Variants in NELL2 observed in about 807,000 individuals in gnomAD.
NELL2 encodes the protein protein kinase C-binding protein NELL2.
Under a neutral mutation model 109.6 loss-of-function variants are expected in NELL2, and 41 were observed. The ratio of observed to expected loss-of-function variants is 0.37; its 90% confidence interval spans 0.29 to 0.49. The LOEUF is 0.49. Among genes scored for constraint, NELL2 ranks in the 20% least tolerant of loss-of-function variants. NELL2 has a pLI of 0.98. For synonymous variants in NELL2, 355 were observed against 344.7 expected, an observed-to-expected ratio of 1.03 and a Z score of -0.33; for missense variants, 900 against 1,008.3, an observed-to-expected ratio of 0.89 and a Z score of 1.45.
chr12:44,721,715 C>T (rs1309348459), intron 9 of NELL2, among the ~76,000 whole-genome samples: 3 of 151,908 alleles, frequency 2.0e-5, no homozygotes, highest in Non-Finnish European at 2.9e-5. Context: ...AACTGCAAAG[C>T]ATGATTCTTT....
intron 12 of NELL2, among the ~76,000 whole-genome samples, chr12:44,691,542 CTTG>C (rs1368819523): frequency 1.3e-5 from 2 of 152,132 alleles, no homozygotes; most frequent in Non-Finnish European, 2.9e-5. Flanking sequence ...TTGCACGTCT[CTTG>C]TTGTAAATCA....
chr12:44,734,439 T>C (rs1408106374), intron 9 of NELL2, among the ~76,000 whole-genome samples: 1 of 151,640 alleles, frequency 6.6e-6, no homozygotes, highest in Non-Finnish European at 1.5e-5. Flanking sequence ...GTTTAGTCTA[T>C]GTATATTTAG....
At chr12:44,908,746 A>G (rs191383965) in intron 1 of NELL2, among the ~76,000 whole-genome samples, 72 of 152,164 alleles carry the variant, frequency 4.7e-4, no homozygotes, top group Non-Finnish European at 4.7e-4. Context: ...GCTGTTACAG[A>G]CACAGCACTC....
chr12:44,726,335 ATCTG>A (rs1336959908), intron 9 of NELL2, among the ~76,000 whole-genome samples: 10 of 152,288 alleles, frequency 6.6e-5, no homozygotes, highest in South Asian at 4.1e-4. Context: ...GAGAAATATT[ATCTG>A]TCTATCTTTG....
intron 1 of NELL2, among the ~76,000 whole-genome samples, chr12:44,894,866 C>T (rs1230587975): frequency 7.9e-5 from 12 of 152,136 alleles, no homozygotes. Flanking sequence ...ACATGCTGCT[C>T]AATTCACAAC....
chr12:44,726,884 A>G (rs1020578560), intron 9 of NELL2, among the ~76,000 whole-genome samples: 3 of 152,054 alleles, frequency 2.0e-5, no homozygotes, highest in Non-Finnish European at 4.4e-5. Flanking sequence ...TATTATATAA[A>G]TACAACTTAC....
intron 15 of NELL2, among the ~76,000 whole-genome samples, chr12:44,591,868 T>C (rs1308829842): frequency 6.6e-6 from 1 of 152,192 alleles, no homozygotes; most frequent in Admixed American, 6.5e-5. Flanking sequence ...AATATGACTT[T>C]GTATTTCATA....
chr12:44,651,675 T>C (rs1261680862), intron 13 of NELL2, among the ~76,000 whole-genome samples: 3 of 152,166 alleles, frequency 2.0e-5, no homozygotes, highest in Non-Finnish European at 2.9e-5. Flanking sequence ...TTAATTCTTA[T>C]AGTAAAATCT....
intron 2 of NELL2, among the ~76,000 whole-genome samples, chr12:44,838,023 G>A (rs748960292): frequency 3.9e-5 from 6 of 152,144 alleles, no homozygotes; most frequent in Non-Finnish European, 7.4e-5. Context: ...ATCCTTGATT[G>A]TAATGTTGCC....
At chr12:44,536,032 CCTA>C (rs1942280860) in intron 15 of NELL2, among the ~76,000 whole-genome samples, 1 of 151,834 alleles carries the variant, frequency 6.6e-6, no homozygotes, top group Non-Finnish European at 1.5e-5. Flanking sequence ...CTTTAATGTT[CCTA>C]CTAATTTTGA....
intron 16 of NELL2, among the ~76,000 whole-genome samples, chr12:44,529,534 G>A (rs1317527161): frequency 6.6e-6 from 1 of 152,096 alleles, no homozygotes; most frequent in African/African-American, 2.4e-5. Context: ...TAGGGATTGA[G>A]AATGGATAGA....
chr12:44,675,201 G>A (rs766245457), intron 12 of NELL2, among the ~76,000 whole-genome samples: 1 of 152,074 alleles, frequency 6.6e-6, no homozygotes, highest in Non-Finnish European at 1.5e-5. Context: ...GGAAAAGTGG[G>A]GTGAGAATAA....
chr12:44,594,085 G>A (rs1944863536), intron 15 of NELL2, among the ~76,000 whole-genome samples: 1 of 149,056 alleles, frequency 6.7e-6, no homozygotes, highest in Non-Finnish European at 1.5e-5. Flanking sequence ...GGGGGGAGTC[G>A]AACAATAAGA....
At chr12:44,694,520 AACACACACACACAC>A (rs60024794) in intron 12 of NELL2, among the ~76,000 whole-genome samples, 1 of 144,308 alleles carries the variant, frequency 6.9e-6, no homozygotes, top group African/African-American at 2.6e-5. Flanking sequence ...CACACATACA[AACACACACACACAC>A]ACACACACAC....
At chr12:44,636,768 G>T (rs1203024721) in intron 13 of NELL2, among the ~76,000 whole-genome samples, 1 of 152,114 alleles carries the variant, frequency 6.6e-6, no homozygotes, top group East Asian at 1.9e-4. Flanking sequence ...TCTCTGCCAG[G>T]TTTTGGTATC....
chr12:44,859,342 G>A (rs1944771482), intron 2 of NELL2, among the ~76,000 whole-genome samples: 1 of 152,206 alleles, frequency 6.6e-6, no homozygotes, highest in Admixed American at 6.5e-5. Context: ...AGGAGCTCAA[G>A]ACCAGCCTAC....
chr12:44,737,324 C>T (rs1254550766), intron 9 of NELL2, among the ~76,000 whole-genome samples: 1 of 131,668 alleles, frequency 7.6e-6, no homozygotes, highest in Non-Finnish European at 1.8e-5. Flanking sequence ...GACAAACAGT[C>T]TCAACATGCA....
chr12:44,773,228 C>A (rs1941617705), intron 9 of NELL2, among the ~76,000 whole-genome samples: 1 of 152,164 alleles, frequency 6.6e-6, no homozygotes, highest in South Asian at 2.1e-4. Flanking sequence ...GTAATCCCAG[C>A]ACTTTGGGAG....
intron 2 of NELL2, chr12:44,851,919 A>G (rs1031090947): frequency 4.6e-5 from 7 of 152,190 alleles, no homozygotes; most frequent in African/African-American, 1.7e-4. Context: ...ACAATGCCAT[A>G]AGAACAGATT....
Sources: gnomAD v4.1 joint callset for allele counts (sites outside exome capture counted in the v4.1 genomes callset) on GRCh38, gnomAD v4.1.1 for gene constraint, MANE v1.5 for transcripts, NCBI Gene and HGNC (gene_info 2026-07-23, HGNC 2026-07-21) for gene names.